Variants in RYR3 observed in about 807,000 individuals in gnomAD.
RYR3 encodes brain ryanodine receptor-calcium release channel.
A neutral mutation model predicts 584.3 loss-of-function variants in RYR3; 207 were observed. That is an observed-to-expected ratio of 0.35 (90% confidence interval 0.32 to 0.40). The LOEUF (loss-of-function observed/expected upper bound fraction) is 0.40, where lower values mean the gene tolerates loss of function less well. RYR3 is among the 10% of genes least tolerant of loss of function. The pLI is 1.00. For missense variants in RYR3, 5,616 were observed against 6,089.2 expected, an observed-to-expected ratio of 0.92 and a Z score of 2.59; for synonymous variants, 2,416 against 2,248.5, an observed-to-expected ratio of 1.07 and a Z score of -2.11.
intron 67 of RYR3, among the ~76,000 whole-genome samples, chr15:33,800,497 T>A (rs1420406469): frequency 1.3e-5 from 2 of 152,242 alleles, no homozygotes; most frequent in Non-Finnish European, 2.9e-5. Flanking sequence ...GAAATGTCGA[T>A]TTCTGACATC....
chr15:33,542,279 T>C (rs1215177202), intron 7 of RYR3, among the ~76,000 whole-genome samples: 1 of 152,120 alleles, frequency 6.6e-6, no homozygotes, highest in South Asian at 2.1e-4. Flanking sequence ...CACTTGGCAG[T>C]GTTCTCTGTG....
chr15:33,644,611 C>G, intron 28 of RYR3, 92 bp downstream of exon 28: 1 of 938,988 alleles, frequency 1.1e-6, no homozygotes, highest in Non-Finnish European at 1.7e-6. Flanking sequence ...CAGCTGCTTA[C>G]CTAAGTCTAT....
At chr15:33,834,189 C>T (rs148368360) in intron 86 of RYR3, among the ~76,000 whole-genome samples, 39 of 152,068 alleles carry the variant, frequency 2.6e-4, no homozygotes, top group Admixed American at 8.5e-4. Flanking sequence ...GAGGCTGAGT[C>T]ACAAGAATCA....
At position 33,801,873 on chromosome 15, in the gene RYR3, T is replaced by G; in HGVS notation, c.9923T>G (p.Phe3308Cys). ...VFILWCKSHN[F>C]KREEQNFVIQ... ...TTTCAATTCTTTCCCACTTAGAACT[T>G]CAAGAGAGAAGAGCAAAATTTTGTG... Residue 3308 changes from phenylalanine (F) to cysteine (C), a missense_variant, in exon 69 of 104, where the codon TTC becomes TGC. By Grantham distance (205) the Phe-to-Cys change is radical. Coordinates refer to ENST00000634891, the MANE Select transcript of RYR3 (RefSeq NM_001036.6). 6.5e-7 allele frequency: 1 copy of G among 1,534,920 alleles called. No individual in the cohort carries two copies. Among genetic ancestry groups the G allele is most frequent in the Non-Finnish European group, 8.9e-7 (1 of 1,123,720 alleles).
In RYR3 at chr15:33,748,518, C is replaced by G. The variant is rs2070970429; in HGVS notation, c.8187C>G (p.Ser2729=). The G allele has an allele frequency of 6.2e-7, 1 of 1,612,382 alleles. No individual in the cohort carries two copies. The highest frequency in any genetic ancestry group is 8.5e-7 in the Non-Finnish European group (1 of 1,179,300). Residue 2729 remains serine, a synonymous_variant, in exon 55 of 104, where the codon TCC becomes TCG. Transcript: ENST00000634891. The part of the protein sequence containing the change: ...APLDLSNVVL[S]RELQGMVEVV... ...TCGACCTCTCAAACGTTGTGCTCTC[C>G]AGAGAGCTCCAGGTCAGTGCCCCAG...
At chr15:33,538,772 C>T (rs2055551796) in intron 5 of RYR3, among the ~76,000 whole-genome samples, 1 of 152,188 alleles carries the variant, frequency 6.6e-6, no homozygotes, top group Non-Finnish European at 1.5e-5. Context: ...TCTCCATTTT[C>T]TTACTGAAAG....
At chr15:33,762,260 A>G (rs1391276550) in intron 60 of RYR3, among the ~76,000 whole-genome samples, 1 of 152,202 alleles carries the variant, frequency 6.6e-6, no homozygotes, top group East Asian at 1.9e-4. Flanking sequence ...GGCCAGGGCA[A>G]TCAGGCAAGA....
chr15:33,381,749 G>C (rs2041203852), intron 1 of RYR3, among the ~76,000 whole-genome samples: 1 of 152,112 alleles, frequency 6.6e-6, no homozygotes, highest in African/African-American at 2.4e-5. Flanking sequence ...TACTCCAGGA[G>C]CACAGTCTGT....
intron 1 of RYR3, among the ~76,000 whole-genome samples, chr15:33,438,317 T>C (rs2045915831): frequency 6.6e-6 from 1 of 152,014 alleles, no homozygotes; most frequent in African/African-American, 2.4e-5. Flanking sequence ...TCCCTCCCCA[T>C]CCTCCACCCC....
intron 43 of RYR3, among the ~76,000 whole-genome samples, chr15:33,708,927 G>T (rs932927494): frequency 2.6e-5 from 4 of 151,332 alleles, no homozygotes; most frequent in Admixed American, 1.3e-4. Context: ...ATAGAATGAC[G>T]GGGTGAGTGC....
rs756465175 is a variant in RYR3, at chr15:33,854,350, T to G, written c.13800-39T>G. 46 of 1,524,788 alleles carry G rather than the reference T, an allele frequency of 3.0e-5. No individual in the cohort carries two copies. In the Middle Eastern group the frequency reaches 5.0e-4, roughly 17 times the overall value. The allele number at this position is 1,524,788 out of a possible 1,614,324, so 94.5% of individuals were successfully genotyped here. A position where few individuals can be genotyped will look rare whatever the true frequency, so the allele number is the denominator to read the frequency against. On this transcript the variant is annotated intron_variant, in intron 96 of 103. Coordinates refer to ENST00000634891, the MANE Select transcript of RYR3 (RefSeq NM_001036.6). ...CCTTATTGAGCACTTAACTACCTCT[T>G]GACATTTATAAGTTTTAAAATCACT...
Position 33,590,543 on chromosome 15 carries a change from A to G in RYR3, c.1788+4427A>G, listed in dbSNP as rs144341635. 6.8e-4 allele frequency among the ~76,000 whole-genome samples: 103 copies of G among 151,534 alleles called. 2 individuals carry two copies. In the East Asian group the frequency reaches 0.011, roughly 17 times the overall value. The stretch of plus-strand genomic sequence containing the variant: ...TCTTCTTCTGATCCATGAGCATGGG[A>G]TGTTTTTCCATTTTGTGTCATCTGC... On this transcript the variant is annotated intron_variant, in intron 16 of 103. Coordinates refer to ENST00000634891, the MANE Select transcript of RYR3 (RefSeq NM_001036.6).
chr15:33,807,882 G>T (rs1263988648), intron 70 of RYR3: 1 of 402,588 alleles, frequency 2.5e-6, no homozygotes, highest in African/African-American at 2.0e-5. Context: ...GACTGACAGG[G>T]CTTGAGAACC....
At chr15:33,824,031 A>G (rs562196873) in intron 81 of RYR3, among the ~76,000 whole-genome samples, 1 of 152,274 alleles carries the variant, frequency 6.6e-6, no homozygotes, top group East Asian at 1.9e-4. Context: ...TTCCCCACCA[A>G]CAGTCTATTC....
intron 20 of RYR3, among the ~76,000 whole-genome samples, chr15:33,626,246 A>G (rs2060979161): frequency 6.6e-6 from 1 of 152,240 alleles, no homozygotes; most frequent in Non-Finnish European, 1.5e-5. Context: ...TGATAGTTAT[A>G]TAGACAATAA....
At chr15:33,686,034 T>C (rs2064985511) in intron 38 of RYR3, among the ~76,000 whole-genome samples, 1 of 151,510 alleles carries the variant, frequency 6.6e-6, no homozygotes, top group South Asian at 2.1e-4. Context: ...TTAGAAGAAC[T>C]AGAGAAGCAA....
In RYR3 at chr15:33,750,996, G is replaced by GA. The variant is rs1555440121; in HGVS notation, c.8399+710_8399+711insA. Among the ~76,000 whole-genome samples, 137 of 152,260 alleles carry GA rather than the reference G, an allele frequency of 9.0e-4. 1 individual carries two copies. Among genetic ancestry groups the GA allele is most frequent in the Non-Finnish European group, 1.4e-3 (97 of 68,044 alleles). On this transcript the variant is annotated intron_variant, in intron 57 of 103. Transcript: ENST00000634891. ...CTTTTGGTTTTCTGTTTGGTTTTCA[G>GA]TTCTTGTGTTAATTTGCTGAGAATG...
At chr15:33,727,349 G>A (rs147727000) in intron 46 of RYR3, among the ~76,000 whole-genome samples, 1,834 of 152,256 alleles carry the variant, frequency 0.012, 14 homozygotes, top group Middle Eastern at 0.041. Flanking sequence ...CCGTTGTCAT[G>A]TTTCCCAAAC....
At chr15:33,724,925 G>A (rs2068234187) in intron 45 of RYR3, among the ~76,000 whole-genome samples, 1 of 152,042 alleles carries the variant, frequency 6.6e-6, no homozygotes, top group Non-Finnish European at 1.5e-5. Context: ...AGGAAACCTG[G>A]AAGGGAGCCC....
Sources: gnomAD v4.1 joint callset for allele counts (sites outside exome capture counted in the v4.1 genomes callset) on GRCh38, gnomAD v4.1.1 for gene constraint, MANE v1.5 for transcripts, NCBI Gene and HGNC (gene_info 2026-07-23, HGNC 2026-07-21) for gene names.